CERS6: variants seen among roughly 807,000 people sequenced by gnomAD.
The protein encoded by CERS6 is LAG1 homolog, ceramide synthase 6.
CERS6 carries 26 observed loss-of-function variants against 56.8 expected under a neutral mutation model. The observed-to-expected ratio is 0.46, with a 90% confidence interval of 0.34 to 0.63. The LOEUF is 0.63. CERS6 is among the 30% of genes least tolerant of loss of function. The probability of loss-of-function intolerance (pLI) is 0.01; values close to 1 mark genes in which losing one functional copy is unlikely to be tolerated. For synonymous variants in CERS6, 164 were observed against 173.3 expected, an observed-to-expected ratio of 0.95 and a Z score of 0.42; for missense variants, 415 against 467.5, an observed-to-expected ratio of 0.89 and a Z score of 1.04.
intron 4 of CERS6, among the ~76,000 whole-genome samples, chr2:168,649,418 A>G (rs976107225): frequency 7.2e-5 from 11 of 152,242 alleles, no homozygotes; most frequent in African/African-American, 2.6e-4. Context: ...AACCAATTCC[A>G]TGATATTGTA....
intron 4 of CERS6, among the ~76,000 whole-genome samples, chr2:168,657,108 T>C (rs968337514): frequency 6.6e-6 from 1 of 150,826 alleles, no homozygotes. Flanking sequence ...GTTCTCCACG[T>C]CCTCACCAGA....
chr2:168,518,421 G>T (rs1694921016), intron 1 of CERS6, among the ~76,000 whole-genome samples: 1 of 152,176 alleles, frequency 6.6e-6, no homozygotes, highest in South Asian at 2.1e-4. Flanking sequence ...TGTAAGAAAT[G>T]ATTCTTGAAA....
chr2:168,612,357 A>G (rs527920946), intron 3 of CERS6, among the ~76,000 whole-genome samples: 2 of 152,356 alleles, frequency 1.3e-5, no homozygotes, highest in Admixed American at 1.3e-4. Context: ...GACTAATAAC[A>G]TATGTTGTCT....
chr2:168,730,440 CAAAG>C lies in CERS6; in HGVS notation c.845+12464_845+12467del, dbSNP rs530223437. On this transcript the variant is annotated intron_variant, in intron 8 of 9. Transcript: ENST00000305747. ...GTTGTATGTTGGCTCCTGAGTGAAG[CAAAG>C]AGAGAGGGCAGCATGGGAAGGGAAG... is the stretch of plus-strand genomic sequence containing the variant. 3.2e-3 allele frequency among the ~76,000 whole-genome samples: 489 copies of C among 152,204 alleles called. 6 individuals are homozygous for C. The highest frequency in any genetic ancestry group is 9.9e-3 in the African/African-American group (410 of 41,494).
intron 3 of CERS6, among the ~76,000 whole-genome samples, chr2:168,579,999 C>G (rs1327989931): frequency 6.6e-6 from 1 of 152,218 alleles, no homozygotes; most frequent in Non-Finnish European, 1.5e-5. Flanking sequence ...AAGAAATATA[C>G]TCTATGCCAA....
chr2:168,694,731 G>A (rs577235377), intron 5 of CERS6, among the ~76,000 whole-genome samples: 14 of 152,236 alleles, frequency 9.2e-5, no homozygotes, highest in East Asian at 1.9e-4. Context: ...CCAAATGTTC[G>A]TGCTAATTAA....
chr2:168,727,547 CAA>C (rs1210219437), intron 8 of CERS6, among the ~76,000 whole-genome samples: 2,812 of 87,452 alleles, frequency 0.032, 35 homozygotes, highest in South Asian at 0.078. Flanking sequence ...GACTCCATCT[CAA>C]AAAAAAAAAA....
At chr2:168,527,464 T>C (rs1309459779) in intron 1 of CERS6, among the ~76,000 whole-genome samples, 2 of 152,218 alleles carry the variant, frequency 1.3e-5, no homozygotes, top group African/African-American at 4.8e-5. Flanking sequence ...CCATGTGTCC[T>C]AGTCCATTTT....
At chr2:168,566,978 T>C (rs906235298) in intron 3 of CERS6, among the ~76,000 whole-genome samples, 3 of 152,218 alleles carry the variant, frequency 2.0e-5, no homozygotes, top group Admixed American at 2.0e-4. Context: ...ATGCAGTTTT[T>C]GAAGGGGGGA....
At chr2:168,683,569 T>C (rs910808781) in intron 4 of CERS6, among the ~76,000 whole-genome samples, 2 of 152,218 alleles carry the variant, frequency 1.3e-5, no homozygotes, top group African/African-American at 2.4e-5. Context: ...AGATTCTACA[T>C]TGGCCTGCAC....
At chr2:168,682,750 A>T (rs145593363) in intron 4 of CERS6, among the ~76,000 whole-genome samples, 3 of 152,322 alleles carry the variant, frequency 2.0e-5, no homozygotes, top group Non-Finnish European at 2.9e-5. Flanking sequence ...TACAAGATCC[A>T]TGCTATGTGG....
intron 8 of CERS6, among the ~76,000 whole-genome samples, chr2:168,725,677 C>T (rs1364510226): frequency 6.6e-6 from 1 of 152,218 alleles, no homozygotes; most frequent in Non-Finnish European, 1.5e-5. Flanking sequence ...GGTTTGTAGT[C>T]AGTATTCAAA....
chr2:168,508,657 A>G (rs1370966696), intron 1 of CERS6, among the ~76,000 whole-genome samples: 1 of 152,034 alleles, frequency 6.6e-6, no homozygotes, highest in East Asian at 1.9e-4. Context: ...TGGCAGCTGA[A>G]CAATGGGAAC....
intron 3 of CERS6, among the ~76,000 whole-genome samples, chr2:168,578,523 A>G (rs1683332479): frequency 1.3e-5 from 2 of 152,158 alleles, no homozygotes; most frequent in African/African-American, 4.8e-5. Context: ...GATGCATTAG[A>G]TGTTTTTATT....
intron 3 of CERS6, among the ~76,000 whole-genome samples, chr2:168,610,031 G>C (rs951912468): frequency 2.1e-5 from 3 of 143,710 alleles, no homozygotes; most frequent in Non-Finnish European, 3.0e-5. Flanking sequence ...AGGCTGGAGT[G>C]CAGTGGCGCG....
At chr2:168,608,247 C>G (rs931386137) in intron 3 of CERS6, among the ~76,000 whole-genome samples, 5 of 152,172 alleles carry the variant, frequency 3.3e-5, no homozygotes, top group African/African-American at 1.2e-4. Context: ...ATATACCTCA[C>G]TTTGTTTATC....
chr2:168,525,585 GA>G (rs1347688175), intron 1 of CERS6, among the ~76,000 whole-genome samples: 1 of 152,180 alleles, frequency 6.6e-6, no homozygotes, highest in East Asian at 1.9e-4. Context: ...GAGGCTTGAG[GA>G]AATTTAAACA....
At position 168,631,027 on chromosome 2, in the gene CERS6, C is replaced by A; in HGVS notation, c.450C>A (p.Val150=). ...ACCTTTATGTATTTACCTACGGAGT[C>A]AGATTCCTGAAAAAGGTAGGATCTC... is the stretch of plus-strand genomic sequence containing the variant. ...SFYLYVFTYG[V]RFLKKTPWLW... is the part of the protein sequence containing the mutation. The change falls in exon 4 of 10, where the codon GTC becomes GTA. Residue 150 remains valine, a synonymous_variant. Transcript: ENST00000305747. 6.6e-7 allele frequency: 1 copy of A among 1,523,596 alleles called. No individual in the cohort carries two copies. Among genetic ancestry groups the A allele is most frequent in the Non-Finnish European group, 9.0e-7 (1 of 1,116,134 alleles). The allele number at this position is 1,523,596 out of a possible 1,614,324, so 94.4% of individuals were successfully genotyped here.
chr2:168,765,447 G>T (rs1428516314), intron 8 of CERS6, 145 bp from the exon 9 acceptor site: 2 of 659,172 alleles, frequency 3.0e-6, no homozygotes, highest in Non-Finnish European at 4.8e-6. Context: ...ACATTTCTAA[G>T]TACCTGGCAA....
Sources: allele counts gnomAD v4.1 joint callset (sites outside exome capture counted in the v4.1 genomes callset), GRCh38; gene constraint gnomAD v4.1.1; transcripts MANE v1.5; gene names NCBI Gene and HGNC (gene_info 2026-07-23, HGNC 2026-07-21).